OSBPL6: variants seen among roughly 807,000 people sequenced by gnomAD.
OSBPL6 encodes the protein oxysterol binding protein like 6, also known as oxysterol-binding protein-related protein 6.
Under a neutral mutation model 125.8 loss-of-function variants are expected in OSBPL6, and 49 were observed. The observed-to-expected ratio is 0.39, with a 90% CI of 0.31 to 0.49. The LOEUF (loss-of-function observed/expected upper bound fraction) is 0.49. Among genes scored for constraint, OSBPL6 ranks in the 20% least tolerant of loss-of-function variants. The pLI, the probability that OSBPL6 is intolerant of heterozygous loss-of-function variation, is 0.88. For synonymous variants in OSBPL6, 394 were observed against 391.8 expected, an observed-to-expected ratio of 1.01 and a Z score of -0.07; for missense variants, 986 against 1,135.4, an observed-to-expected ratio of 0.87 and a Z score of 1.89.
At chr2:178,321,625 T>C (rs1307062052) in intron 3 of OSBPL6, among the ~76,000 whole-genome samples, 1 of 152,218 alleles carries the variant, frequency 6.6e-6, no homozygotes, top group Admixed American at 6.5e-5. Context: ...GGCTTCTTCA[T>C]TGTCATCCTG....
intron 1 of OSBPL6, among the ~76,000 whole-genome samples, chr2:178,202,819 CA>C (rs201542787): frequency 0.034 from 2,681 of 78,168 alleles, 46 homozygotes; most frequent in East Asian, 0.13. Context: ...GAGACTGTCT[CA>C]AAAAAAAAAA....
intron 2 of OSBPL6, among the ~76,000 whole-genome samples, chr2:178,288,940 G>A (rs576837784): frequency 2.0e-5 from 3 of 151,416 alleles, no homozygotes; most frequent in Admixed American, 6.6e-5. Flanking sequence ...GTGAGCCACC[G>A]TGCCCGGCCA....
At chr2:178,296,113 C>A (rs1004259199) in intron 2 of OSBPL6, among the ~76,000 whole-genome samples, 29 of 152,284 alleles carry the variant, frequency 1.9e-4, no homozygotes, top group African/African-American at 7.0e-4. Context: ...ACTCGGCATA[C>A]CTGCTGCCTG....
chr2:178,207,278 ATC>A (rs755019015), intron 1 of OSBPL6, among the ~76,000 whole-genome samples: 2 of 151,760 alleles, frequency 1.3e-5, no homozygotes, highest in African/African-American at 4.8e-5. Context: ...ATAACTCAAA[ATC>A]TCTGTTTTAT....
At chr2:178,279,742 C>G (rs894319769) in intron 1 of OSBPL6, among the ~76,000 whole-genome samples, 1 of 152,196 alleles carries the variant, frequency 6.6e-6, no homozygotes, top group Admixed American at 6.5e-5. Context: ...GAGTATATTT[C>G]TTAACTGGGG....
chr2:178,320,425 T>A lies in OSBPL6; in HGVS notation c.103-3752T>A, dbSNP rs780819166. On this transcript the variant is annotated intron_variant, in intron 3 of 24. Coordinates refer to ENST00000190611, the MANE Select transcript of OSBPL6 (RefSeq NM_032523.4). ...CGGGTAAGTACTTCCACCTTCTCTG[T>A]GTGTTCTAAGTTCCTTAAAAAACTG... 12 of 1,610,592 alleles carry A rather than the reference T, an allele frequency of 7.5e-6. No individual in the cohort carries two copies. In the Admixed American group the frequency reaches 2.0e-4, roughly 27 times the overall value.
At chr2:178,375,138 A>T (rs1693744261) in intron 15 of OSBPL6, among the ~76,000 whole-genome samples, 1 of 152,188 alleles carries the variant, frequency 6.6e-6, no homozygotes, top group Non-Finnish European at 1.5e-5. Context: ...TCCTGTAGGC[A>T]AATCTGCATG....
intron 2 of OSBPL6, among the ~76,000 whole-genome samples, chr2:178,288,114 G>A (rs534941530): frequency 1.3e-5 from 2 of 152,212 alleles, no homozygotes; most frequent in East Asian, 3.9e-4. Flanking sequence ...ACTTCCCCCT[G>A]GAGTAGTGGA....
intron 7 of OSBPL6, 44 bp downstream of exon 7, chr2:178,332,798 A>C (rs745774979): frequency 1.2e-6 from 2 of 1,610,992 alleles, no homozygotes; most frequent in Non-Finnish European, 1.7e-6. Flanking sequence ...ATCAGGGGAA[A>C]CGATTTGCCT....
intron 10 of OSBPL6, 115 bp downstream of exon 10, chr2:178,339,209 C>A: frequency 3.7e-6 from 2 of 544,276 alleles, no homozygotes; most frequent in Non-Finnish European, 3.1e-6. Context: ...GCAATACAGA[C>A]ATTCATTTAT....
intron 1 of OSBPL6, among the ~76,000 whole-genome samples, chr2:178,245,205 C>T (rs549039162): frequency 6.6e-6 from 1 of 152,300 alleles, no homozygotes; most frequent in South Asian, 2.1e-4. Flanking sequence ...TCACTAGATG[C>T]TTTCTCTAGA....
chr2:178,357,173 C>T (rs1691872716), intron 12 of OSBPL6, among the ~76,000 whole-genome samples: 1 of 152,284 alleles, frequency 6.6e-6, no homozygotes, highest in African/African-American at 2.4e-5. Context: ...AGGACATAGG[C>T]ATGGGCAAGG....
chr2:178,367,648 C>T lies in OSBPL6; in HGVS notation c.1288-4478C>T, dbSNP rs1050120243. On this transcript the variant is annotated intron_variant, in intron 13 of 24. Transcript: ENST00000190611. ...GCAATTTAGGTAATTGATTCTGGCT[C>T]AAATCTTTAAGACAGTAACTTCTTT... is the stretch of plus-strand genomic sequence containing the variant. 2.0e-5 allele frequency among the ~76,000 whole-genome samples: 3 copies of T among 152,268 alleles called. No individual in the cohort carries two copies. The East Asian group carries it at 5.8e-4, about 29-fold the overall frequency.
At chr2:178,312,735 C>G (rs1687400414) in intron 3 of OSBPL6, among the ~76,000 whole-genome samples, 1 of 152,178 alleles carries the variant, frequency 6.6e-6, no homozygotes, top group Non-Finnish European at 1.5e-5. Context: ...GGATTTCAGG[C>G]ATGAGCCACC....
intron 1 of OSBPL6, among the ~76,000 whole-genome samples, chr2:178,283,965 G>C (rs1684459692): frequency 6.6e-6 from 1 of 152,114 alleles, no homozygotes; most frequent in Admixed American, 6.5e-5. Context: ...CTCCCACCAG[G>C]CCTCACCTTC....
chr2:178,331,866 C>G (rs902297565), intron 6 of OSBPL6, among the ~76,000 whole-genome samples: 5 of 152,210 alleles, frequency 3.3e-5, no homozygotes, highest in Non-Finnish European at 7.3e-5. Flanking sequence ...CCTTCTGTCA[C>G]TTGGATAGAA....
intron 3 of OSBPL6, among the ~76,000 whole-genome samples, chr2:178,322,531 C>A (rs917919373): frequency 6.6e-6 from 1 of 151,924 alleles, no homozygotes; most frequent in African/African-American, 2.4e-5. Flanking sequence ...GTCATCTGTG[C>A]CTGGCAAAGT....
chr2:178,235,398 C>CTTTTTTTTTTTTTTTTTTTTTTTTTTT (rs540269327), intron 1 of OSBPL6, among the ~76,000 whole-genome samples: 2 of 78,040 alleles, frequency 2.6e-5, no homozygotes, highest in Admixed American at 1.9e-4. Flanking sequence ...CTTTTCTTTT[C>CTTTTTTTTTTTTTTTTTTTTTTTTTTT]TTTTTTTTTT....
intron 13 of OSBPL6, among the ~76,000 whole-genome samples, chr2:178,363,346 T>C (rs1692524894): frequency 6.6e-6 from 1 of 152,212 alleles, no homozygotes; most frequent in Non-Finnish European, 1.5e-5. Flanking sequence ...CCCTTATTCA[T>C]TGTATTCCAT....
Sources: gnomAD v4.1 joint callset for allele counts (sites outside exome capture counted in the v4.1 genomes callset) on GRCh38, gnomAD v4.1.1 for gene constraint, MANE v1.5 for transcripts, NCBI Gene and HGNC (gene_info 2026-07-23, HGNC 2026-07-21) for gene names.